SEMA6C: variants seen among roughly 807,000 people sequenced by gnomAD.
SEMA6C encodes the protein semaphorin-6C.
SEMA6C carries 37 observed loss-of-function variants against 72.9 expected under a neutral mutation model. The ratio of observed to expected loss-of-function variants is 0.51; its 90% CI spans 0.39 to 0.67. The LOEUF is 0.67. Ranked by LOEUF, SEMA6C falls within the 30% of genes least tolerant of loss-of-function variation. SEMA6C has a pLI of 0.00. For missense variants in SEMA6C, 1,189 were observed against 1,263.6 expected (o/e 0.94, Z 0.89); for synonymous variants, 578 against 554.1 (o/e 1.04, Z -0.61).
intron 6 of SEMA6C, among the ~76,000 whole-genome samples, chr1:151,139,076 G>C: frequency 7.3e-6 from 1 of 137,230 alleles, no homozygotes; most frequent in East Asian, 2.2e-4. Flanking sequence ...CTGGGCAACA[G>C]ACTGAGACTC....
At chr1:151,135,570 C>A (rs1486699085) in intron 14 of SEMA6C, 21 bp downstream of exon 14, 1 of 1,600,760 alleles carries the variant, frequency 6.2e-7, no homozygotes, top group Non-Finnish European at 8.5e-7. Flanking sequence ...TTGCAGGGGG[C>A]CTGCCCTCCA....
rs914045808 is a variant in SEMA6C at position 151,132,759 on chromosome 1, G to T, written c.2518C>A (p.Pro840Thr). 1.4e-6 allele frequency: 2 copies of T among 1,440,674 alleles called. No homozygotes were observed. The highest frequency in any genetic ancestry group is 2.9e-5 in the Admixed American group (1 of 34,104). 89.2% of individuals were successfully genotyped at this position (1,440,674 alleles called of 1,614,324 possible). ...CCGCCGACGCCCAGCCGGGGAGCGG[G>T]GGCGGAGAGCGCGGGCCGGGCGGGG... ...SAPARPALSA[P>T]APRLGVGGGR... The change falls in exon 19 of 19, where the codon CCC (proline) becomes ACC (threonine). Residue 840 changes from proline to threonine, a missense_variant. Physicochemically the swap from Pro to Thr is conservative, Grantham distance 38 (BLOSUM62 -1). Around this residue, in one of 2 missense-constraint regions of SEMA6C, gnomAD observed 721 missense variants for 686.2 expected, o/e 1.05. Coordinates refer to ENST00000368914, the MANE Select transcript of SEMA6C (RefSeq NM_030913.6).
Position 151,132,234 on chromosome 1 carries a change from G to A in SEMA6C, c.*250C>T. The A allele has an allele frequency of 6.6e-7, 1 of 1,513,436 alleles. No homozygotes were observed. Among genetic ancestry groups the A allele is most frequent in the Non-Finnish European group, 8.8e-7 (1 of 1,133,050 alleles). 93.8% of individuals were successfully genotyped at this position (1,513,436 alleles called of 1,614,324 possible). On this transcript the variant is annotated 3_prime_UTR_variant, in exon 19 of 19. Coordinates refer to ENST00000368914, the MANE Select transcript of SEMA6C (RefSeq NM_030913.6). ...GGCTGGAAGGGAGCGGGGAGTGGGA[G>A]TCCGCCAGCTCCCCCTGAAATGCTG...
At chr1:151,140,952 C>T (rs920886035) in intron 3 of SEMA6C, among the ~76,000 whole-genome samples, 3 of 151,252 alleles carry the variant, frequency 2.0e-5, no homozygotes, top group Admixed American at 6.6e-5. Flanking sequence ...GAGCCGAGAT[C>T]ACGCCACTGC....
chr1:151,145,311 C>A lies in SEMA6C; in HGVS notation c.-104-877G>T, dbSNP rs991366898. ...TGTGGAAGGGATGGAGAAGGGGAGA[C>A]TGGGCTGGGGACAATAGCAGGAAGC... On this transcript the variant is annotated intron_variant, in intron 1 of 18. Transcript: ENST00000368914. The surrounding 1 kb of genome is among the most constrained non-coding windows in gnomAD (Gnocchi z 4.4). 3 of 152,384 alleles carry A rather than the reference C, an allele frequency of 2.0e-5. No individual in the cohort carries two copies. The highest frequency in any genetic ancestry group is 7.2e-5 in the African/African-American group (3 of 41,468). The allele number at this position is 152,384 out of a possible 1,614,324, so 9.4% of individuals were successfully genotyped here.
At position 151,142,538 on chromosome 1, in the gene SEMA6C, C is replaced by G; in HGVS notation, c.84G>C (p.Gln28His). 6.2e-7 allele frequency: 1 copy of G among 1,612,890 alleles called. No homozygotes were observed. Among genetic ancestry groups the G allele is most frequent in the Non-Finnish European group, 8.5e-7 (1 of 1,179,572 alleles). The change falls in exon 3 of 19, where the codon CAG becomes CAC. Residue 28 changes from glutamine (Q) to histidine (H), a missense_variant. This residue lies in a region of SEMA6C where 468 missense variants were observed against 577.4 expected (regional missense o/e 0.81). Coordinates refer to ENST00000368914, the MANE Select transcript of SEMA6C (RefSeq NM_030913.6). ...CAGAGATCAACAGAGGGAGGGGGTC[C>G]TGGGGAAAGGCGGCCTGAGTATGGG... is the stretch of plus-strand genomic sequence containing the variant. The part of the protein sequence containing the change: ...SLPHTQAAFP[Q>H]DPLPLLISDL...
At chr1:151,141,646 G>C (rs1340588421) in intron 3 of SEMA6C, among the ~76,000 whole-genome samples, 1 of 151,924 alleles carries the variant, frequency 6.6e-6, no homozygotes, top group East Asian at 1.9e-4. Context: ...CCTGACCTCA[G>C]GTGATCCGCC....
intron 18 of SEMA6C, chr1:151,134,121 G>T: frequency 8.2e-7 from 1 of 1,218,910 alleles, no homozygotes; most frequent in Non-Finnish European, 1.1e-6. Context: ...CCCTTCCAGG[G>T]GTCCTTCCTC....
intron 14 of SEMA6C, 119 bp from the exon 15 acceptor site, chr1:151,135,428 C>G: frequency 6.9e-7 from 1 of 1,458,766 alleles, no homozygotes; most frequent in South Asian, 1.3e-5. Context: ...ATGGAGCTGC[C>G]CCGCCCTACC....
At chr1:151,139,297 T>C (rs1682326530) in intron 6 of SEMA6C, 128 bp downstream of exon 6, 1 of 800,082 alleles carries the variant, frequency 1.2e-6, no homozygotes, top group Non-Finnish European at 2.1e-6. Context: ...TCTTTCCTTC[T>C]CATTTTCCCC....
chr1:151,144,006 C>T (rs1468993789), intron 2 of SEMA6C, among the ~76,000 whole-genome samples: 1 of 151,906 alleles, frequency 6.6e-6, no homozygotes, highest in Non-Finnish European at 1.5e-5. Context: ...GGGAGGCTGA[C>T]GTCAGGTGGG....
rs766450948 is a variant in SEMA6C, at chr1:151,133,444, G to T, written c.1833C>A (p.Ala611=). The T allele has an allele frequency of 2.6e-6, 4 of 1,568,324 alleles. No homozygotes were observed. The highest frequency in any genetic ancestry group is 2.6e-6 in the Non-Finnish European group (3 of 1,161,932). The change falls in exon 19 of 19, where the codon GCC becomes GCA. Residue 611 remains alanine, a synonymous_variant. Transcript: ENST00000368914. This position sits in a 1 kb window ranked among gnomAD's most constrained non-coding sequence, Gnocchi z 5.9. The stretch of plus-strand genomic sequence containing the variant: ...CTGAGGCGCCCAGGGCAAAAGCTGC[G>T]GCCACACTGGCCAGGAGGAGTGGGA... ...VPIPLLLASV[A]AAFALGASVS...
intron 10 of SEMA6C, 37 bp from the exon 11 acceptor site, chr1:151,137,111 G>T: frequency 1.3e-6 from 2 of 1,572,288 alleles, no homozygotes; most frequent in South Asian, 2.2e-5. Flanking sequence ...TGGTGAGACA[G>T]ACCCACAGGG....
At position 151,135,251 on chromosome 1, in the gene SEMA6C, T is replaced by C; in HGVS notation, c.1492A>G (p.Thr498Ala). The change falls in exon 15 of 19, where the codon ACT becomes GCT. Residue 498 changes from threonine (T) to alanine (A), a missense_variant. Thr to Ala is a moderately conservative substitution (Grantham distance 58, BLOSUM62 0). Coordinates refer to ENST00000368914, the MANE Select transcript of SEMA6C (RefSeq NM_030913.6). ...ARRIIGLELD[T>A]EGHRLFVAFS... The stretch of plus-strand genomic sequence containing the variant: ...GCCACAAAAAGCCTGTGACCCTCAG[T>C]GTCCAGCTCCAGCCCTATGATCCGT... 1.2e-6 allele frequency: 2 copies of C among 1,614,228 alleles called. No individual in the cohort carries two copies. Among genetic ancestry groups the C allele is most frequent in the Middle Eastern group, 1.6e-4 (1 of 6,062 alleles).
At chr1:151,137,125 G>C (rs1299518179) in intron 10 of SEMA6C, 51 bp from the exon 11 acceptor site, 1 of 1,526,602 alleles carries the variant, frequency 6.6e-7, no homozygotes, top group Non-Finnish European at 9.1e-7. Flanking sequence ...CACAGGGCCA[G>C]CTGCATGCAA....
rs9436020 is a variant in SEMA6C at position 151,131,839 on chromosome 1, C to A, written c.*645G>T. 2.9e-5 allele frequency: 5 copies of A among 170,840 alleles called. No homozygotes were observed. The highest frequency in any genetic ancestry group is 1.2e-4 in the African/African-American group (5 of 41,506). The allele number at this position is 170,840 out of a possible 1,614,324, so 10.6% of individuals were successfully genotyped here. A position where few individuals can be genotyped will look rare whatever the true frequency, so the allele number is the denominator to read the frequency against. ...CTCCGAGGGCCTTCCCCAGCCTCAACTAAACTTTACCGGGGTCCCCCTGGC... is the reference window on the plus strand; with the variant it reads ...CTCCGAGGGCCTTCCCCAGCCTCAAATAAACTTTACCGGGGTCCCCCTGGC... On this transcript the variant is annotated 3_prime_UTR_variant, in exon 19 of 19. Transcript: ENST00000368914.
intron 12 of SEMA6C, 67 bp downstream of exon 12, chr1:151,136,381 A>C: frequency 1.3e-6 from 2 of 1,581,386 alleles, no homozygotes; most frequent in Non-Finnish European, 1.7e-6. Flanking sequence ...TTACCTCCTC[A>C]CAATCCCATC....
intron 3 of SEMA6C, among the ~76,000 whole-genome samples, chr1:151,141,340 T>C (rs1331709519): frequency 6.6e-6 from 1 of 152,230 alleles, no homozygotes; most frequent in African/African-American, 2.4e-5. Context: ...CTTTGTGCCA[T>C]ACAGTCTTCT....
At chr1:151,137,291 A>G (rs373629668) in intron 10 of SEMA6C, among the ~76,000 whole-genome samples, 3 of 152,094 alleles carry the variant, frequency 2.0e-5, no homozygotes, top group East Asian at 3.9e-4. Context: ...TAAAAATACA[A>G]ACAAATTAGC....
Sources: gnomAD v4.1 joint callset for allele counts (sites outside exome capture counted in the v4.1 genomes callset) on GRCh38, gnomAD v4.1.1 for gene constraint, gnomAD v4.1.1 regional missense constraint, Gnocchi (gnomAD v3.1) non-coding constraint, MANE v1.5 for transcripts, NCBI Gene and HGNC (gene_info 2026-07-23, HGNC 2026-07-21) for gene names.